EXT1: variants seen among roughly 807,000 people sequenced by gnomAD.
EXT1 encodes the protein exostosin glycosyltransferase 1, also known as exostosin-1.
A neutral mutation model predicts 82.5 loss-of-function variants in EXT1; 20 were observed. The observed-to-expected ratio is 0.24, with a 90% confidence interval of 0.17 to 0.35. EXT1 has a LOEUF of 0.35. Among genes scored for constraint, EXT1 ranks in the 10% least tolerant of loss-of-function variants. The probability of loss-of-function intolerance (pLI) is 1.00; values close to 1 mark genes in which losing one functional copy is unlikely to be tolerated. For missense variants in EXT1, 757 were observed against 936.5 expected, an observed-to-expected ratio of 0.81 and a Z score of 2.50; for synonymous variants, 348 against 350.8, an observed-to-expected ratio of 0.99 and a Z score of 0.09.
intron 1 of EXT1, among the ~76,000 whole-genome samples, chr8:118,068,134 G>A (rs62520112): frequency 0.087 from 13,203 of 152,212 alleles, 768 homozygotes; most frequent in Middle Eastern, 0.21. Flanking sequence ...AGGTTGGTTC[G>A]GCAAAGCTGT....
At chr8:117,953,866 C>T (rs1035310195) in intron 1 of EXT1, among the ~76,000 whole-genome samples, 5 of 151,972 alleles carry the variant, frequency 3.3e-5, no homozygotes, top group Admixed American at 6.6e-5. Context: ...GCCAAGATCG[C>T]ACCACTGCAC....
Position 118,111,376 on chromosome 8 carries a change from A to AG in EXT1, c.-331dup, listed in dbSNP as rs1817901142. ...ACGGAGGAAAAGAAAGAGAGAGGGGAGAAAAAAAAAGCTCCCGATACCCAA... is the reference window on the plus strand; with the variant it reads ...ACGGAGGAAAAGAAAGAGAGAGGGGAGGAAAAAAAAAGCTCCCGATACCCAA... On this transcript the variant is annotated 5_prime_UTR_variant, in exon 1 of 11. Transcript: ENST00000378204. 5 of 563,542 alleles carry AG rather than the reference A, an allele frequency of 8.9e-6. No individual in the cohort carries two copies. The highest frequency in any genetic ancestry group is 4.8e-5 in the South Asian group (2 of 41,324). 34.9% of individuals were successfully genotyped at this position (563,542 alleles called of 1,614,324 possible).
intron 1 of EXT1, among the ~76,000 whole-genome samples, chr8:118,010,340 C>A (rs1431932046): frequency 6.8e-6 from 1 of 148,076 alleles, no homozygotes; most frequent in Non-Finnish European, 1.5e-5. Flanking sequence ...CCACTGCACT[C>A]CAGCCTGAGC....
At chr8:117,991,072 GGAA>G (rs920394033) in intron 1 of EXT1, among the ~76,000 whole-genome samples, 7 of 151,816 alleles carry the variant, frequency 4.6e-5, no homozygotes, top group Admixed American at 2.6e-4. Flanking sequence ...TACACGGAAT[GGAA>G]GAAGGTTTCA....
At chr8:118,071,487 G>GT (rs1817093300) in intron 1 of EXT1, among the ~76,000 whole-genome samples, 1 of 149,436 alleles carries the variant, frequency 6.7e-6, no homozygotes, top group Non-Finnish European at 1.5e-5. Context: ...TCCAAAGAAA[G>GT]TAAGTTGGCA....
chr8:117,980,377 G>A (rs1236075121), intron 1 of EXT1, among the ~76,000 whole-genome samples: 1 of 151,878 alleles, frequency 6.6e-6, no homozygotes, highest in Non-Finnish European at 1.5e-5. Flanking sequence ...ATCTGCCATC[G>A]CCACTGTCAC....
chr8:118,076,906 T>G (rs1195922266), intron 1 of EXT1, among the ~76,000 whole-genome samples: 3 of 148,250 alleles, frequency 2.0e-5, no homozygotes, highest in African/African-American at 7.4e-5. Context: ...ATATTTCTTT[T>G]TTGTTGTTTT....
chr8:118,105,851 G>A (rs889384007), intron 1 of EXT1, among the ~76,000 whole-genome samples: 9 of 152,012 alleles, frequency 5.9e-5, no homozygotes, highest in Non-Finnish European at 1.2e-4. Flanking sequence ...ATACAGTTTG[G>A]GATAATGAGG....
At chr8:117,816,121 C>T (rs1237033916) in intron 7 of EXT1, among the ~76,000 whole-genome samples, 4 of 152,028 alleles carry the variant, frequency 2.6e-5, no homozygotes, top group Non-Finnish European at 2.9e-5. Flanking sequence ...CTTCTCAGTA[C>T]ATTTATTTAT....
intron 1 of EXT1, among the ~76,000 whole-genome samples, chr8:118,089,205 C>G (rs1817480088): frequency 6.6e-6 from 1 of 152,094 alleles, no homozygotes; most frequent in African/African-American, 2.4e-5. Context: ...TTAGTTTTCA[C>G]CCCAAAGCCC....
chr8:118,074,575 A>AG (rs11380716), intron 1 of EXT1, among the ~76,000 whole-genome samples: 22,973 of 94,628 alleles, frequency 0.24, 3,145 homozygotes, highest in African/African-American at 0.56. Context: ...GAGAAGAGAG[A>AG]AAAAAAAAAA....
rs17474539 is a variant in EXT1 at position 117,827,430 on chromosome 8, G to A, written c.1284+2800C>T. Among the ~76,000 whole-genome samples the A allele has an allele frequency of 3.7e-3, 560 of 152,290 alleles. 1 individual carries two copies. The highest frequency in any genetic ancestry group is 0.013 in the African/African-American group (520 of 41,572). On this transcript the variant is annotated intron_variant, in intron 4 of 10. Coordinates refer to ENST00000378204, the MANE Select transcript of EXT1 (RefSeq NM_000127.3). Reference sequence around the variant, plus strand: ...TAAAACACTGGAATGTGCTCTGGATGTATTAGAGGTAAACAACTAATAGGA... The same window carrying A: ...TAAAACACTGGAATGTGCTCTGGATATATTAGAGGTAAACAACTAATAGGA...
intron 1 of EXT1, among the ~76,000 whole-genome samples, chr8:118,076,912 G>GT (rs3834369): frequency 3.1e-5 from 3 of 98,052 alleles, no homozygotes; most frequent in African/African-American, 7.4e-5. Flanking sequence ...CTTTTTTGTT[G>GT]TTTTTTTGAA....
At chr8:118,102,997 T>C (rs1410433249) in intron 1 of EXT1, among the ~76,000 whole-genome samples, 1 of 151,954 alleles carries the variant, frequency 6.6e-6, no homozygotes, top group African/African-American at 2.4e-5. Flanking sequence ...CTACTAAAAA[T>C]ACAAAATTAG....
chr8:117,954,331 C>T (rs1814548804), intron 1 of EXT1, among the ~76,000 whole-genome samples: 1 of 152,146 alleles, frequency 6.6e-6, no homozygotes, highest in African/African-American at 2.4e-5. Flanking sequence ...TAAGAGGAGA[C>T]CCAAGGAGGA....
At chr8:118,039,557 C>CAAAAAAAA (rs71307422) in intron 1 of EXT1, among the ~76,000 whole-genome samples, 3 of 82,044 alleles carry the variant, frequency 3.7e-5, no homozygotes, top group Admixed American at 1.6e-4. Context: ...GACTCCGTCA[C>CAAAAAAAA]AAAAAAAAAA....
rs1471755255 is a variant in EXT1 at position 117,809,209 on chromosome 8, G to GTATAAATATATATATATATATA, written c.1723-1833_1723-1832insTATATATATATATATATTTATA. Among the ~76,000 whole-genome samples, 237 of 85,702 alleles carry GTATAAATATATATATATATATA rather than the reference G, an allele frequency of 2.8e-3. 1 individual carries two copies. Among genetic ancestry groups the GTATAAATATATATATATATATA allele is most frequent in the Non-Finnish European group, 4.0e-3 (165 of 41,516 alleles). 56.2% of individuals were successfully genotyped at this position (85,702 alleles called of 152,430 possible). On this transcript the variant is annotated intron_variant, in intron 8 of 10. Coordinates refer to ENST00000378204, the MANE Select transcript of EXT1 (RefSeq NM_000127.3). ...TGTGTGTAGGTATATATATGTGTGT[G>GTATAAATATATATATATATATA]TGTGTATAAATATATATATATATAT...
At chr8:117,804,658 C>T (rs1457183416) in intron 10 of EXT1, 64 bp downstream of exon 10, 1 of 1,584,734 alleles carries the variant, frequency 6.3e-7, no homozygotes, top group Non-Finnish European at 8.7e-7. Context: ...GAACGTGAGT[C>T]CTCATTACCT....
intron 1 of EXT1, among the ~76,000 whole-genome samples, chr8:118,088,031 T>C (rs1364613261): frequency 1.3e-5 from 2 of 150,588 alleles, no homozygotes; most frequent in Non-Finnish European, 2.9e-5. Flanking sequence ...ATAAAGTTAA[T>C]ACTGTTTGAA....
Sources: allele counts gnomAD v4.1 joint callset (sites outside exome capture counted in the v4.1 genomes callset), GRCh38; gene constraint gnomAD v4.1.1; transcripts MANE v1.5; gene names NCBI Gene and HGNC (gene_info 2026-07-23, HGNC 2026-07-21).